Variants in MYO9A observed in about 807,000 individuals in gnomAD.
MYO9A encodes unconventional myosin-IXa.
A neutral mutation model predicts 293.3 loss-of-function variants in MYO9A; 103 were observed. The ratio of observed to expected loss-of-function variants is 0.35; its 90% confidence interval spans 0.30 to 0.41. MYO9A has a LOEUF of 0.41. Ranked by LOEUF, MYO9A falls within the 10% of genes least tolerant of loss-of-function variation. The pLI, the probability that MYO9A is intolerant of heterozygous loss-of-function variation, is 1.00. For missense variants in MYO9A, 2,685 were observed against 3,033.0 expected, an observed-to-expected ratio of 0.89 and a Z score of 2.69; for synonymous variants, 1,001 against 1,035.7, an observed-to-expected ratio of 0.97 and a Z score of 0.64.
chr15:72,082,203 C>CA (rs1297533966), intron 1 of MYO9A, among the ~76,000 whole-genome samples: 2 of 152,174 alleles, frequency 1.3e-5, no homozygotes, highest in East Asian at 3.9e-4. Context: ...TGATTTCTTT[C>CA]AGCAGTGTTT....
At chr15:72,036,503 C>G (rs1276908789) in intron 2 of MYO9A, 1 of 152,092 alleles carries the variant, frequency 6.6e-6, no homozygotes, top group Admixed American at 6.5e-5. Context: ...ATTACTACTC[C>G]TTTCTCTTTA....
intron 33 of MYO9A, among the ~76,000 whole-genome samples, chr15:71,861,679 T>TAAAAAAAAAAA (rs66598621): frequency 3.6e-5 from 3 of 82,912 alleles, no homozygotes; most frequent in African/African-American, 1.3e-4. Flanking sequence ...ACTGATGATA[T>TAAAAAAAAAAA]AAAAAAAAAA....
Position 71,875,853 on chromosome 15 carries a change from G to T in MYO9A, c.5932-15C>A. On this transcript the variant is annotated splice_polypyrimidine_tract_variant and intron_variant, in intron 31 of 41. Transcript: ENST00000356056. ...GTTTTTGGCACCTGACAGGGGGACA[G>T]GAGATATATGGAAATTGTGATAACA... 1 of 1,321,936 alleles carries T rather than the reference G, an allele frequency of 7.6e-7. No individual in the cohort carries two copies. Among genetic ancestry groups the T allele is most frequent in the South Asian group, 2.2e-5 (1 of 44,684 alleles). 81.9% of individuals were successfully genotyped at this position (1,321,936 alleles called of 1,614,324 possible). A position where few individuals can be genotyped will look rare whatever the true frequency, so the allele number is the denominator to read the frequency against.
chr15:71,901,116 G>A (rs183913843), intron 23 of MYO9A, 75 bp downstream of exon 23: 64 of 1,462,608 alleles, frequency 4.4e-5, no homozygotes, highest in Non-Finnish European at 5.6e-5. Context: ...ATGTTTTACA[G>A]TAAAAAGGTT....
chr15:71,971,552 C>CT (rs1295092071), intron 12 of MYO9A, among the ~76,000 whole-genome samples: 2 of 151,244 alleles, frequency 1.3e-5, no homozygotes, highest in Non-Finnish European at 2.9e-5. Context: ...CCACGGCATT[C>CT]CAGCCTGAGC....
rs766809363 is a variant in MYO9A, at chr15:71,904,052, G to A, written c.2767-13C>T. 1.3e-6 allele frequency: 2 copies of A among 1,592,664 alleles called. No individual in the cohort carries two copies. The highest frequency in any genetic ancestry group is 1.1e-5 in the South Asian group (1 of 89,330). On this transcript the variant is annotated splice_polypyrimidine_tract_variant and intron_variant, in intron 20 of 41. Transcript: ENST00000356056. ...ACCTTAAGGGCAGCTAAAGCAAATGGAAAAAAGATTAACCCAGAACAGTAG... is the reference window on the plus strand; with the variant it reads ...ACCTTAAGGGCAGCTAAAGCAAATGAAAAAAAGATTAACCCAGAACAGTAG...
In MYO9A at chr15:72,050,334, T is replaced by G. The variant is rs2957374; in HGVS notation, c.-71-3700A>C. Among the ~76,000 whole-genome samples the G allele has an allele frequency of 2.6e-5, 4 of 152,114 alleles. No homozygotes were observed. The East Asian group carries it at 7.7e-4, about 29-fold the overall frequency. ...TTCAAAACGTACATTACCAGCCGGG[T>G]GCGGTGGCTCACACCTGTAATCCCA... On this transcript the variant is annotated intron_variant, in intron 1 of 41. Coordinates refer to ENST00000356056, the MANE Select transcript of MYO9A (RefSeq NM_006901.4).
At chr15:72,018,784 C>T (rs2077414475) in intron 6 of MYO9A, among the ~76,000 whole-genome samples, 1 of 151,978 alleles carries the variant, frequency 6.6e-6, no homozygotes, top group African/African-American at 2.4e-5. Context: ...TAATGTTTGT[C>T]GAAATAAATA....
intron 1 of MYO9A, among the ~76,000 whole-genome samples, chr15:72,102,498 T>TA (rs2080390782): frequency 2.8e-5 from 4 of 141,830 alleles, no homozygotes; most frequent in African/African-American, 5.2e-5. Context: ...ATAAATAAAT[T>TA]TAAAAAAAAA....
chr15:71,936,692 T>C (rs2058652307), intron 16 of MYO9A, among the ~76,000 whole-genome samples: 2 of 152,218 alleles, frequency 1.3e-5, no homozygotes, highest in Admixed American at 6.5e-5. Context: ...TCCATATTTA[T>C]AAATCTCAGC....
intron 19 of MYO9A, among the ~76,000 whole-genome samples, chr15:71,907,198 GT>G (rs1022658225): frequency 4.0e-5 from 6 of 150,854 alleles, no homozygotes; most frequent in Non-Finnish European, 8.8e-5. Context: ...GCGGTGTTTG[GT>G]TTTTTGTTTT....
intron 39 of MYO9A, 26 bp downstream of exon 39, chr15:71,848,818 TC>T: frequency 6.3e-7 from 1 of 1,580,664 alleles, no homozygotes; most frequent in Non-Finnish European, 8.6e-7. Flanking sequence ...CTCCCATTTT[TC>T]CACTATTCCA....
At chr15:71,830,759 T>C (rs1024740636) in intron 39 of MYO9A, among the ~76,000 whole-genome samples, 5 of 152,220 alleles carry the variant, frequency 3.3e-5, no homozygotes, top group Non-Finnish European at 2.9e-5. Context: ...CCTACCATCA[T>C]AGTAAGTTCT....
intron 4 of MYO9A, among the ~76,000 whole-genome samples, chr15:72,022,519 C>CAAA (rs113771556): frequency 7.9e-6 from 1 of 127,264 alleles, no homozygotes; most frequent in Non-Finnish European, 1.7e-5. Flanking sequence ...GACTCTGTCT[C>CAAA]AAAAAAAAAA....
At chr15:72,065,192 A>C (rs975046787) in intron 1 of MYO9A, among the ~76,000 whole-genome samples, 1 of 152,168 alleles carries the variant, frequency 6.6e-6, no homozygotes, top group African/African-American at 2.4e-5. Context: ...AAGGTAATAA[A>C]ATTAACATTT....
Position 71,851,377 on chromosome 15 carries a change from G to A in MYO9A, c.6476-19C>T. The A allele has an allele frequency of 6.3e-7, 1 of 1,584,360 alleles. No homozygotes were observed. The highest frequency in any genetic ancestry group is 2.2e-5 in the East Asian group (1 of 44,676). ...TGAAGGCCTAAAAACAGTAAGAGCA[G>A]AAACTAAGACTAAATATCCCCCCTT... On this transcript the variant is annotated intron_variant, in intron 36 of 41. Transcript: ENST00000356056.
chr15:71,863,985 A>C (rs1268838185), intron 32 of MYO9A, among the ~76,000 whole-genome samples: 1 of 152,258 alleles, frequency 6.6e-6, no homozygotes, highest in Non-Finnish European at 1.5e-5. Flanking sequence ...GGACTTAATT[A>C]AAACTTAAAA....
chr15:71,966,714 G>A (rs138481313), intron 13 of MYO9A, among the ~76,000 whole-genome samples: 1 of 151,990 alleles, frequency 6.6e-6, no homozygotes, highest in African/African-American at 2.4e-5. Context: ...TTTACCTTAA[G>A]ATTTCACTTC....
intron 2 of MYO9A, among the ~76,000 whole-genome samples, chr15:72,038,337 C>T (rs1284347328): frequency 6.6e-6 from 1 of 152,216 alleles, no homozygotes; most frequent in Non-Finnish European, 1.5e-5. Context: ...TGTTATTTAA[C>T]CTGGCCAAAA....
Sources: allele counts gnomAD v4.1 joint callset (sites outside exome capture counted in the v4.1 genomes callset), GRCh38; gene constraint gnomAD v4.1.1; transcripts MANE v1.5; gene names NCBI Gene and HGNC (gene_info 2026-07-23, HGNC 2026-07-21).